ANGPT1: variants seen among roughly 807,000 people sequenced by gnomAD.
ANGPT1 encodes angiopoietin-1.
ANGPT1 carries 17 observed loss-of-function variants against 62.2 expected under a neutral mutation model. That is an observed-to-expected ratio of 0.27 (90% confidence interval 0.19 to 0.41). The LOEUF is 0.41. Among genes scored for constraint, ANGPT1 ranks in the 10% least tolerant of loss-of-function variants. The pLI is 1.00. For synonymous variants in ANGPT1, 199 were observed against 198.9 expected, an observed-to-expected ratio of 1.00 and a Z score of 0.00; for missense variants, 478 against 594.9, an observed-to-expected ratio of 0.80 and a Z score of 2.04.
chr8:107,318,217 G>T (rs1448381893), intron 4 of ANGPT1, among the ~76,000 whole-genome samples: 5 of 152,116 alleles, frequency 3.3e-5, no homozygotes, highest in Admixed American at 2.6e-4. Flanking sequence ...CTTACAAAGT[G>T]GATGCAATTC....
chr8:107,402,185 T>C (rs1283691), intron 1 of ANGPT1, among the ~76,000 whole-genome samples: 72,884 of 151,962 alleles, frequency 0.48, 19,231 homozygotes, highest in Middle Eastern at 0.59. Context: ...AACAAATTGG[T>C]ATTTGAGTAG....
intron 6 of ANGPT1, among the ~76,000 whole-genome samples, chr8:107,292,009 T>G (rs568706575): frequency 6.6e-6 from 1 of 152,060 alleles, no homozygotes; most frequent in African/African-American, 2.4e-5. Flanking sequence ...ACTCCATTCA[T>G]TATTGCACTC....
Position 107,258,716 on chromosome 8 carries a change from T to C in ANGPT1, c.1336+5505A>G, listed in dbSNP as rs145593804. On this transcript the variant is annotated intron_variant, in intron 8 of 8. Coordinates refer to ENST00000517746, the MANE Select transcript of ANGPT1 (RefSeq NM_001146.5). ...GTCAGGAACCTAACACTCAAATTTT[T>C]ATAATTCTGCAGTTCAGTCTTTTGG... 8.2e-3 allele frequency among the ~76,000 whole-genome samples: 1,246 copies of C among 152,310 alleles called. 18 individuals are homozygous for C. Among genetic ancestry groups the C allele is most frequent in the African/African-American group, 0.028 (1,166 of 41,578 alleles).
intron 1 of ANGPT1, among the ~76,000 whole-genome samples, chr8:107,410,342 A>T (rs971932014): frequency 1.3e-5 from 2 of 152,248 alleles, no homozygotes; most frequent in East Asian, 1.9e-4. Flanking sequence ...ATCTTCTAAG[A>T]ACTAGAAAGT....
At chr8:107,317,635 T>TTTTTA (rs1491419012) in intron 4 of ANGPT1, among the ~76,000 whole-genome samples, 2 of 1,564 alleles carry the variant, frequency 1.3e-3, no homozygotes, top group Non-Finnish European at 2.3e-3. Flanking sequence ...TTTATTTTTA[T>TTTTTA]TTTTTTTTTT....
At chr8:107,406,564 C>T (rs1226765914) in intron 1 of ANGPT1, among the ~76,000 whole-genome samples, 2 of 151,862 alleles carry the variant, frequency 1.3e-5, no homozygotes, top group African/African-American at 4.8e-5. Context: ...AGTAGGATCT[C>T]TGAGAAAGTT....
chr8:107,303,513 T>C, intron 4 of ANGPT1, 146 bp from the exon 5 acceptor site: 1 of 601,008 alleles, frequency 1.7e-6, no homozygotes, highest in Non-Finnish European at 2.6e-6. Context: ...ATAAAGACAA[T>C]ACTAGATTTT....
intron 7 of ANGPT1, among the ~76,000 whole-genome samples, chr8:107,280,620 G>C (rs549299175): frequency 6.6e-6 from 1 of 152,306 alleles, no homozygotes; most frequent in Admixed American, 6.5e-5. Context: ...CAAAGGCATG[G>C]AGGATTTAGG....
intron 1 of ANGPT1, among the ~76,000 whole-genome samples, chr8:107,437,259 C>G (rs1456875218): frequency 6.6e-6 from 1 of 152,128 alleles, no homozygotes; most frequent in Non-Finnish European, 1.5e-5. Context: ...CAAAGAGTAC[C>G]TGATTTGAAG....
chr8:107,390,856 G>C (rs1217493103), intron 1 of ANGPT1, among the ~76,000 whole-genome samples: 2 of 152,034 alleles, frequency 1.3e-5, no homozygotes, highest in Non-Finnish European at 2.9e-5. Context: ...GGCCAGGCTA[G>C]GTTCTGAATC....
At chr8:107,490,393 G>T (rs1460685776) in intron 1 of ANGPT1, among the ~76,000 whole-genome samples, 1 of 151,958 alleles carries the variant, frequency 6.6e-6, no homozygotes, top group Non-Finnish European at 1.5e-5. Context: ...ATATGTATCT[G>T]CTTTAGGAAT....
chr8:107,443,705 G>A (rs1353593708), intron 1 of ANGPT1, among the ~76,000 whole-genome samples: 2 of 151,136 alleles, frequency 1.3e-5, no homozygotes, highest in African/African-American at 4.9e-5. Flanking sequence ...TGTAATTCCA[G>A]CTATTCAGGA....
At position 107,456,807 on chromosome 8, in the gene ANGPT1, G is replaced by A. The variant is rs542256994; in HGVS notation, c.297+40455C>T. On this transcript the variant is annotated intron_variant, in intron 1 of 8. Coordinates refer to ENST00000517746, the MANE Select transcript of ANGPT1 (RefSeq NM_001146.5). Reference sequence around the variant, plus strand: ...ATGTATAAAATGAAATGTAAATCTCGAATTATACCTATCTTGAGCATCTTA... The same window carrying A: ...ATGTATAAAATGAAATGTAAATCTCAAATTATACCTATCTTGAGCATCTTA... Among the ~76,000 whole-genome samples, 3 of 152,038 alleles carry A rather than the reference G, an allele frequency of 2.0e-5. No individual in the cohort carries two copies. The South Asian group carries it at 6.2e-4, about 32-fold the overall frequency.
At position 107,370,720 on chromosome 8, in the gene ANGPT1, A is replaced by G. The variant is rs1355100945; in HGVS notation, c.298-23623T>C. On this transcript the variant is annotated intron_variant, in intron 1 of 8. Transcript: ENST00000517746. ...TCTGTCAAAAAAAAAAAAAAAAAAA[A>G]AAGAGGAAGAAGAAAGGAAGGAAGA... Among the ~76,000 whole-genome samples, 18 of 146,628 alleles carry G rather than the reference A, an allele frequency of 1.2e-4. 1 individual carries two copies. Among genetic ancestry groups the G allele is most frequent in the Non-Finnish European group, 2.3e-4 (15 of 66,610 alleles).
intron 1 of ANGPT1, among the ~76,000 whole-genome samples, chr8:107,354,776 CA>C (rs754871954): frequency 3.9e-5 from 6 of 152,194 alleles, no homozygotes; most frequent in Non-Finnish European, 5.9e-5. Context: ...CTTTCTCCAA[CA>C]CGACTTGGCT....
rs548614907 is a variant in ANGPT1, at chr8:107,442,083, CA to C, written c.297+55178del. ...TCGGTGACAGAGTGACACTCCGTCT[CA>C]AAAAAAAAGCTGGGGGAGTCCCATC... On this transcript the variant is annotated intron_variant, in intron 1 of 8. Transcript: ENST00000517746. 2.7e-5 allele frequency among the ~76,000 whole-genome samples: 4 copies of C among 149,988 alleles called. No individual in the cohort carries two copies. The East Asian group carries it at 5.9e-4, about 22-fold the overall frequency.
At chr8:107,424,293 A>G (rs149563897) in intron 1 of ANGPT1, among the ~76,000 whole-genome samples, 1 of 152,308 alleles carries the variant, frequency 6.6e-6, no homozygotes, top group East Asian at 1.9e-4. Flanking sequence ...AAATCCATTT[A>G]AGAGTCAGAA....
intron 1 of ANGPT1, among the ~76,000 whole-genome samples, chr8:107,392,625 A>G (rs550851434): frequency 6.6e-6 from 1 of 152,262 alleles, no homozygotes; most frequent in South Asian, 2.1e-4. Context: ...TTGCCATGCA[A>G]ATATATCTAT....
chr8:107,426,995 A>G (rs934171992), intron 1 of ANGPT1, among the ~76,000 whole-genome samples: 2 of 152,210 alleles, frequency 1.3e-5, no homozygotes, highest in African/African-American at 4.8e-5. Context: ...TGTATTAAAA[A>G]GTTAGCATCA....
Sources: gnomAD v4.1 joint callset for allele counts (sites outside exome capture counted in the v4.1 genomes callset) on GRCh38, gnomAD v4.1.1 for gene constraint, MANE v1.5 for transcripts, NCBI Gene and HGNC (gene_info 2026-07-23, HGNC 2026-07-21) for gene names.